DYRK1A: variants seen among roughly 807,000 people sequenced by gnomAD.
DYRK1A encodes the protein dual specificity tyrosine-phosphorylation-regulated kinase 1A.
DYRK1A carries 9 observed loss-of-function variants against 79.7 expected under a neutral mutation model. The observed-to-expected ratio is 0.11, with a 90% CI of 0.07 to 0.20. The LOEUF (loss-of-function observed/expected upper bound fraction) is 0.20. Ranked by LOEUF, DYRK1A falls within the 10% of genes least tolerant of loss-of-function variation. The probability of loss-of-function intolerance (pLI) is 1.00; values close to 1 mark genes in which losing one functional copy is unlikely to be tolerated. For synonymous variants in DYRK1A, 349 were observed against 329.7 expected, an observed-to-expected ratio of 1.06 and a Z score of -0.63; for missense variants, 622 against 956.0, an observed-to-expected ratio of 0.65 and a Z score of 4.61.
At chr21:37,376,413 G>C (rs1380444999) in intron 1 of DYRK1A, among the ~76,000 whole-genome samples, 1 of 152,162 alleles carries the variant, frequency 6.6e-6, no homozygotes, top group African/African-American at 2.4e-5. Context: ...GGAGGCAGAG[G>C]CAGGATAATT....
At chr21:37,492,841 C>G (rs1475752908) in intron 7 of DYRK1A, among the ~76,000 whole-genome samples, 176 bp from the exon 8 acceptor site, 2 of 152,068 alleles carry the variant, frequency 1.3e-5, no homozygotes, top group Non-Finnish European at 2.9e-5. Context: ...TAACCAATCC[C>G]TCAAAATGTT....
intron 4 of DYRK1A, among the ~76,000 whole-genome samples, chr21:37,479,603 TTTG>T (rs1233424239): frequency 6.9e-5 from 5 of 72,864 alleles, no homozygotes; most frequent in African/African-American, 5.3e-4. Flanking sequence ...TGTTTTTGTT[TTTG>T]TTTTTGTTTT....
At chr21:37,387,745 C>G (rs1214431441) in intron 1 of DYRK1A, among the ~76,000 whole-genome samples, 1 of 152,100 alleles carries the variant, frequency 6.6e-6, no homozygotes, top group Non-Finnish European at 1.5e-5. Context: ...ACATGGGAGG[C>G]TAATTTTTTG....
At chr21:37,374,803 T>G (rs1258331293) in intron 1 of DYRK1A, among the ~76,000 whole-genome samples, 1 of 152,200 alleles carries the variant, frequency 6.6e-6, no homozygotes, top group Non-Finnish European at 1.5e-5. Context: ...TCCGCCTGCC[T>G]TGGCCTCCCA....
chr21:37,419,802 G>A (rs1023268540), intron 1 of DYRK1A: 1 of 152,190 alleles, frequency 6.6e-6, no homozygotes, highest in African/African-American at 2.4e-5. Flanking sequence ...AGGGCTTGTG[G>A]ACTTGGGGGA....
At chr21:37,375,630 A>G (rs1199617272) in intron 1 of DYRK1A, among the ~76,000 whole-genome samples, 2 of 149,334 alleles carry the variant, frequency 1.3e-5, no homozygotes, top group Admixed American at 1.4e-4. Context: ...GGTTCCAGCA[A>G]TTCTCCTGCC....
chr21:37,409,509 C>T (rs1401969887), intron 1 of DYRK1A, among the ~76,000 whole-genome samples: 1 of 152,126 alleles, frequency 6.6e-6, no homozygotes, highest in South Asian at 2.1e-4. Context: ...AACTTTTTAA[C>T]TCTGTTGGAG....
intron 1 of DYRK1A, among the ~76,000 whole-genome samples, chr21:37,385,143 A>G (rs1157994997): frequency 2.0e-5 from 3 of 152,148 alleles, no homozygotes; most frequent in African/African-American, 4.8e-5. Context: ...AGCAGGGACT[A>G]TGGTAGAAGA....
At position 37,466,802 on chromosome 21, in the gene DYRK1A, T is replaced by TA. The variant is rs2052040303; in HGVS notation, c.11-5882_11-5881insA. ...TGATAGAACAAGATGAGACCAAAAT[T>TA]TAAAAAAAAATACCTATATAAGACA... On this transcript the variant is annotated intron_variant, in intron 2 of 11. Coordinates refer to ENST00000647188, the MANE Select transcript of DYRK1A (RefSeq NM_001347721.2). Among the ~76,000 whole-genome samples the TA allele has an allele frequency of 1.1e-4, 16 of 150,402 alleles. No individual in the cohort carries two copies. The South Asian group carries it at 1.7e-3, about 16-fold the overall frequency.
intron 4 of DYRK1A, among the ~76,000 whole-genome samples, chr21:37,479,565 A>T (rs2148575871): frequency 6.6e-5 from 6 of 91,110 alleles, no homozygotes; most frequent in South Asian, 3.4e-4. Context: ...TTTTTTTTTT[A>T]CTAGTCTTAG....
intron 2 of DYRK1A, among the ~76,000 whole-genome samples, chr21:37,445,544 C>T (rs2051241225): frequency 6.6e-6 from 1 of 152,158 alleles, no homozygotes; most frequent in South Asian, 2.1e-4. Context: ...GGGGAAGATG[C>T]AGTTTTTGCT....
chr21:37,477,863 T>C (rs1050844160), intron 3 of DYRK1A, among the ~76,000 whole-genome samples: 2 of 152,172 alleles, frequency 1.3e-5, no homozygotes, highest in East Asian at 3.9e-4. Context: ...AAAATTTTCT[T>C]TGGGCTAATT....
chr21:37,414,973 C>T lies in DYRK1A; in HGVS notation c.-76-5326C>T, dbSNP rs1234899899. 2.0e-5 allele frequency among the ~76,000 whole-genome samples: 3 copies of T among 152,186 alleles called. No individual in the cohort carries two copies. In the East Asian group the frequency reaches 5.8e-4, roughly 29 times the overall value. The stretch of plus-strand genomic sequence containing the variant: ...TACCTGTACTACTACTTTACAATTA[C>T]TGATGATAACTTACCCCCAGAAACT... On this transcript the variant is annotated intron_variant, in intron 1 of 11. Transcript: ENST00000647188.
At chr21:37,417,201 A>T (rs1001351081) in intron 1 of DYRK1A, among the ~76,000 whole-genome samples, 15 of 151,856 alleles carry the variant, frequency 9.9e-5, no homozygotes, top group African/African-American at 2.7e-4. Flanking sequence ...ATATATATAT[A>T]TTTTTGGAGA....
intron 2 of DYRK1A, among the ~76,000 whole-genome samples, chr21:37,468,998 A>G (rs1458740978): frequency 1.3e-5 from 2 of 152,238 alleles, no homozygotes; most frequent in African/African-American, 4.8e-5. Context: ...CAGTAGAAAA[A>G]ATAGAAAAGC....
chr21:37,389,543 T>G (rs1396445338), intron 1 of DYRK1A, among the ~76,000 whole-genome samples: 1 of 152,220 alleles, frequency 6.6e-6, no homozygotes, highest in Admixed American at 6.5e-5. Flanking sequence ...GTTTTTTGTT[T>G]TCCATCATAG....
chr21:37,498,443 A>AC (rs2053340319), intron 9 of DYRK1A, among the ~76,000 whole-genome samples: 1 of 152,174 alleles, frequency 6.6e-6, no homozygotes, highest in South Asian at 2.1e-4. Flanking sequence ...TTGGAGCCTT[A>AC]TAGTATTTAT....
At chr21:37,468,336 C>T (rs2052104886) in intron 2 of DYRK1A, among the ~76,000 whole-genome samples, 1 of 151,802 alleles carries the variant, frequency 6.6e-6, no homozygotes. Context: ...CTCAGACTCT[C>T]GGGCTCAAGT....
At chr21:37,448,180 A>G (rs1160988431) in intron 2 of DYRK1A, among the ~76,000 whole-genome samples, 1 of 152,250 alleles carries the variant, frequency 6.6e-6, no homozygotes, top group Non-Finnish European at 1.5e-5. Flanking sequence ...ATTAACGTGT[A>G]AAATATTTCA....
Sources: gnomAD v4.1 joint callset for allele counts (sites outside exome capture counted in the v4.1 genomes callset) on GRCh38, gnomAD v4.1.1 for gene constraint, MANE v1.5 for transcripts, NCBI Gene and HGNC (gene_info 2026-07-23, HGNC 2026-07-21) for gene names.